Variants in ALKBH5 observed in about 807,000 individuals in gnomAD.
ALKBH5 encodes the protein RNA demethylase ALKBH5.
ALKBH5 carries 2 observed loss-of-function variants against 32.1 expected under a neutral mutation model. The observed-to-expected ratio is 0.06, with a 90% CI of 0.03 to 0.20. ALKBH5 has a LOEUF of 0.20. ALKBH5 is among the 10% of genes least tolerant of loss of function. The pLI, the probability that ALKBH5 is intolerant of heterozygous loss-of-function variation, is 1.00. For synonymous variants in ALKBH5, 300 were observed against 231.7 expected, an observed-to-expected ratio of 1.29 and a Z score of -2.68; for missense variants, 352 against 559.5, an observed-to-expected ratio of 0.63 and a Z score of 3.74.
At chr17:18,193,532 G>A (rs7212808) in intron 1 of ALKBH5, among the ~76,000 whole-genome samples, 52,802 of 150,990 alleles carry the variant, frequency 0.35, 9,735 homozygotes, top group Non-Finnish European at 0.41. Flanking sequence ...GGGTGACAGA[G>A]TGAGACTGTC....
intron 1 of ALKBH5, among the ~76,000 whole-genome samples, chr17:18,185,734 C>T (rs1378881778): frequency 6.6e-6 from 1 of 152,220 alleles, no homozygotes; most frequent in African/African-American, 2.4e-5. Flanking sequence ...AGAACTTAGG[C>T]TTTTGGCCTA....
chr17:18,201,803 AGAT>A (rs548939377), intron 2 of ALKBH5, among the ~76,000 whole-genome samples: 2,959 of 52,546 alleles, frequency 0.056, 40 homozygotes, highest in African/African-American at 0.082. Context: ...TAAGATAGAT[AGAT>A]AGATAGATAG....
chr17:18,194,749 G>T (rs1015369741), intron 1 of ALKBH5, among the ~76,000 whole-genome samples: 2 of 152,136 alleles, frequency 1.3e-5, no homozygotes, highest in Non-Finnish European at 2.9e-5. Flanking sequence ...TGTCATACCA[G>T]GTTTTTCCTT....
At chr17:18,192,881 A>T in intron 1 of ALKBH5, among the ~76,000 whole-genome samples, 1 of 115,052 alleles carries the variant, frequency 8.7e-6, no homozygotes. Context: ...TTTTTTTGAG[A>T]CGGAGTCTCA....
intron 1 of ALKBH5, among the ~76,000 whole-genome samples, chr17:18,188,279 AT>A (rs2047151748): frequency 6.6e-6 from 1 of 152,276 alleles, no homozygotes; most frequent in African/African-American, 2.4e-5. Context: ...ACTTGCTGCT[AT>A]CTTTAATCAC....
At chr17:18,203,487 A>G (rs2047253304) in intron 2 of ALKBH5, among the ~76,000 whole-genome samples, 1 of 152,142 alleles carries the variant, frequency 6.6e-6, no homozygotes, top group Middle Eastern at 3.4e-3. Flanking sequence ...ATCACGGTCA[A>G]CCTCACATGC....
Position 18,208,732 on chromosome 17 carries a change from G to A in ALKBH5, c.*336G>A, listed in dbSNP as rs1274114045. The A allele has an allele frequency of 2.5e-6, 1 of 397,304 alleles. No individual in the cohort carries two copies. The highest frequency in any genetic ancestry group is 4.7e-6 in the Non-Finnish European group (1 of 213,100). 24.6% of individuals were successfully genotyped at this position (397,304 alleles called of 1,614,324 possible). A position where few individuals can be genotyped will look rare whatever the true frequency, so the allele number is the denominator to read the frequency against. ...TGTATCAGGCTGGGTTTATTTAAAA[G>A]CAACAAAATGTTTTGGTTAAGAAAA... is the stretch of plus-strand genomic sequence containing the variant. On this transcript the variant is annotated 3_prime_UTR_variant, in exon 4 of 4. Transcript: ENST00000399138.
intron 2 of ALKBH5, among the ~76,000 whole-genome samples, chr17:18,202,107 AC>A: frequency 6.6e-6 from 1 of 151,990 alleles, no homozygotes; most frequent in Non-Finnish European, 1.5e-5. Context: ...GGAGATCGAG[AC>A]CATCCTGGCT....
intron 2 of ALKBH5, among the ~76,000 whole-genome samples, chr17:18,199,419 C>G (rs1024695650): frequency 2.6e-5 from 4 of 152,206 alleles, no homozygotes; most frequent in African/African-American, 9.6e-5. Flanking sequence ...GGGGAGTCTT[C>G]CAGTTTTCCC....
Position 18,195,042 on chromosome 17 carries a change from GCCTTGATGTCTGA to G in ALKBH5, c.851+12_851+24del, listed in dbSNP as rs2142477390. ...CAGTCATCATCCTCAGGAAGTAAGT[GCCTTGATGTCTGA>G]CCTTCTGCCTCACCTGCAGGCCTGT... On this transcript the variant is annotated splice_region_variant and intron_variant, in intron 2 of 3. Transcript: ENST00000399138. 1 of 1,612,220 alleles carries G rather than the reference GCCTTGATGTCTGA, an allele frequency of 6.2e-7. No individual in the cohort carries two copies. The highest frequency in any genetic ancestry group is 8.5e-7 in the Non-Finnish European group (1 of 1,179,464).
At chr17:18,203,514 G>A (rs944372268) in intron 2 of ALKBH5, among the ~76,000 whole-genome samples, 3 of 152,208 alleles carry the variant, frequency 2.0e-5, no homozygotes, top group Non-Finnish European at 2.9e-5. Context: ...TCACATGCCC[G>A]AGGTGCTTTG....
At chr17:18,194,090 T>C (rs2047192462) in intron 1 of ALKBH5, among the ~76,000 whole-genome samples, 2 of 150,180 alleles carry the variant, frequency 1.3e-5, no homozygotes, top group Admixed American at 6.8e-5. Context: ...TTAAAAGTCA[T>C]GTAACTTGTT....
At chr17:18,186,409 G>A (rs903489650) in intron 1 of ALKBH5, among the ~76,000 whole-genome samples, 1 of 152,164 alleles carries the variant, frequency 6.6e-6, no homozygotes, top group Non-Finnish European at 1.5e-5. Flanking sequence ...TGACCCCATT[G>A]ACGGGTTCTC....
chr17:18,203,912 G>A (rs1169809033), intron 2 of ALKBH5, among the ~76,000 whole-genome samples: 3 of 152,146 alleles, frequency 2.0e-5, no homozygotes, highest in Non-Finnish European at 4.4e-5. Context: ...TCATTCACCC[G>A]AAGAAACAAC....
intron 2 of ALKBH5, chr17:18,206,599 C>A (rs2047270138): frequency 1.8e-6 from 1 of 553,276 alleles, no homozygotes. Context: ...CAGAAGTGTT[C>A]CCATTCCTTA....
At chr17:18,196,427 G>C (rs1261134329) in intron 2 of ALKBH5, among the ~76,000 whole-genome samples, 2 of 152,128 alleles carry the variant, frequency 1.3e-5, no homozygotes, top group African/African-American at 2.4e-5. Context: ...CCCCATGTTG[G>C]CCAAGCTGGT....
At chr17:18,205,242 C>T (rs571774187) in intron 2 of ALKBH5, among the ~76,000 whole-genome samples, 16 of 152,188 alleles carry the variant, frequency 1.1e-4, no homozygotes, top group African/African-American at 3.9e-4. Flanking sequence ...AACTGAGGCC[C>T]GAGGAGGGAT....
chr17:18,195,106 T>A (rs1313577352), intron 2 of ALKBH5, 71 bp downstream of exon 2: 3 of 1,333,100 alleles, frequency 2.3e-6, no homozygotes, highest in Non-Finnish European at 3.2e-6. Context: ...TGGGTCCACT[T>A]AGAACTCAGC....
intron 2 of ALKBH5, among the ~76,000 whole-genome samples, chr17:18,199,125 T>A (rs2047221201): frequency 6.6e-6 from 1 of 152,138 alleles, no homozygotes; most frequent in South Asian, 2.1e-4. Context: ...GAGAATGTTA[T>A]GAGTATGTAG....
Sources: allele counts gnomAD v4.1 joint callset (sites outside exome capture counted in the v4.1 genomes callset), GRCh38; gene constraint gnomAD v4.1.1; transcripts MANE v1.5; gene names NCBI Gene and HGNC (gene_info 2026-07-23, HGNC 2026-07-21).